PIP5K1B: variants seen among roughly 807,000 people sequenced by gnomAD.
The protein encoded by PIP5K1B is phosphatidylinositol-4-phosphate 5-kinase type 1 beta, also known as phosphatidylinositol 4-phosphate 5-kinase type-1 beta.
Under a neutral mutation model 67.0 loss-of-function variants are expected in PIP5K1B, and 42 were observed. That is an observed-to-expected ratio of 0.63 (90% CI 0.49 to 0.81). The LOEUF (loss-of-function observed/expected upper bound fraction) is 0.81. Among genes scored for constraint, PIP5K1B ranks in the 30% least tolerant of loss-of-function variants. The pLI is 0.00. For synonymous variants in PIP5K1B, 214 were observed against 231.4 expected (o/e 0.92, Z 0.68); for missense variants, 459 against 646.3 (o/e 0.71, Z 3.14).
In PIP5K1B at chr9:68,743,414, T is replaced by G. The variant is rs551807131; in HGVS notation, c.-86+757T>G. 4.7e-4 allele frequency among the ~76,000 whole-genome samples: 71 copies of G among 152,192 alleles called. No homozygotes were observed. The South Asian group carries it at 0.014, about 31-fold the overall frequency. ...AGTTGGGGTTTCGCTATGTGCCCAG[T>G]CTGGTTTCAAACTCCTGGGCTCAAG... On this transcript the variant is annotated intron_variant, in intron 2 of 15. Coordinates refer to ENST00000265382, the MANE Select transcript of PIP5K1B (RefSeq NM_003558.4).
chr9:68,789,275 G>T, intron 2 of PIP5K1B: 1 of 426,988 alleles, frequency 2.3e-6, no homozygotes, highest in Non-Finnish European at 4.5e-6. Context: ...TTTCTTTGAG[G>T]ATATTTGACT....
chr9:68,963,449 G>C (rs1310648775), intron 14 of PIP5K1B: 1 of 269,112 alleles, frequency 3.7e-6, no homozygotes, highest in Non-Finnish European at 7.5e-6. Flanking sequence ...GTTGCAGTGA[G>C]CTGAGATTAT....
At chr9:68,770,099 T>C (rs1830608041) in intron 2 of PIP5K1B, among the ~76,000 whole-genome samples, 1 of 152,232 alleles carries the variant, frequency 6.6e-6, no homozygotes, top group South Asian at 2.1e-4. Context: ...ACCTCTGTCC[T>C]TCTTTATGCA....
chr9:68,910,775 A>G (rs1256047727), intron 8 of PIP5K1B, among the ~76,000 whole-genome samples: 1 of 152,216 alleles, frequency 6.6e-6, no homozygotes, highest in African/African-American at 2.4e-5. Context: ...ACAGGCTTTG[A>G]AAAAACAGTA....
Position 68,735,457 on chromosome 9 carries a change from C to T in PIP5K1B, c.-242-7044C>T, listed in dbSNP as rs200572612. ...TTATAAGTTGACCTCCTCTTGATCT[C>T]AGCTCACTGAAACCTCTGACTCCCG... On this transcript the variant is annotated intron_variant, in intron 1 of 15. Coordinates refer to ENST00000265382, the MANE Select transcript of PIP5K1B (RefSeq NM_003558.4). 2.0e-5 allele frequency among the ~76,000 whole-genome samples: 3 copies of T among 151,458 alleles called. No homozygotes were observed. The East Asian group carries it at 5.9e-4, about 30-fold the overall frequency.
chr9:68,988,108 A>G (rs75297523), intron 14 of PIP5K1B, among the ~76,000 whole-genome samples: 1,984 of 152,278 alleles, frequency 0.013, 32 homozygotes, highest in African/African-American at 0.045. Flanking sequence ...CTTGTATGCA[A>G]TTTAGTCTTC....
chr9:68,728,974 C>T (rs1399503912), intron 1 of PIP5K1B: 2 of 152,136 alleles, frequency 1.3e-5, no homozygotes, highest in African/African-American at 2.4e-5. Context: ...TCATAGGTAC[C>T]TTCCCTAATG....
intron 15 of PIP5K1B, among the ~76,000 whole-genome samples, chr9:68,998,621 T>C (rs1447495089): frequency 6.6e-6 from 1 of 152,120 alleles, no homozygotes; most frequent in Admixed American, 6.5e-5. Flanking sequence ...CCTGTAATGG[T>C]GTGAACTTGG....
In PIP5K1B at chr9:68,735,266, G is replaced by T. The variant is rs966670565; in HGVS notation, c.-242-7235G>T. Among the ~76,000 whole-genome samples the T allele has an allele frequency of 2.3e-3, 265 of 117,174 alleles. 2 individuals carry two copies. The highest frequency in any genetic ancestry group is 7.9e-3 in the African/African-American group (255 of 32,226). The allele number at this position is 117,174 out of a possible 152,430, so 76.9% of individuals were successfully genotyped here. On this transcript the variant is annotated intron_variant, in intron 1 of 15. Coordinates refer to ENST00000265382, the MANE Select transcript of PIP5K1B (RefSeq NM_003558.4). ...TTGCCACAATTCATTAACTAATTTT[G>T]ATATACTACTGTTAATACTTTATTC...
chr9:68,708,445 G>A (rs1312982183), intron 1 of PIP5K1B, among the ~76,000 whole-genome samples: 1 of 152,060 alleles, frequency 6.6e-6, no homozygotes, highest in Non-Finnish European at 1.5e-5. Context: ...AGAGCCCATT[G>A]TTGCTCTCTT....
chr9:68,864,528 G>A (rs1823265644), intron 5 of PIP5K1B, among the ~76,000 whole-genome samples: 1 of 152,172 alleles, frequency 6.6e-6, no homozygotes, highest in Non-Finnish European at 1.5e-5. Flanking sequence ...ATCATTTTAG[G>A]GTGAGGGGAT....
chr9:68,893,179 G>A (rs192884761), intron 7 of PIP5K1B, among the ~76,000 whole-genome samples: 28 of 152,246 alleles, frequency 1.8e-4, no homozygotes, highest in African/African-American at 5.3e-4. Flanking sequence ...GAAATAAAGT[G>A]AGAGCAGTGG....
intron 8 of PIP5K1B, among the ~76,000 whole-genome samples, chr9:68,902,327 T>G (rs1825404298): frequency 6.6e-6 from 1 of 152,218 alleles, no homozygotes; most frequent in South Asian, 2.1e-4. Flanking sequence ...CTCTGTAATT[T>G]TATCTTTTCG....
At chr9:68,752,567 C>T (rs1385951263) in intron 2 of PIP5K1B, among the ~76,000 whole-genome samples, 2 of 149,682 alleles carry the variant, frequency 1.3e-5, no homozygotes, top group Non-Finnish European at 1.5e-5. Flanking sequence ...TCTTTCTTTT[C>T]CTTTCTCTTT....
In PIP5K1B at chr9:68,944,702, G is replaced by C. The variant is rs114203021; in HGVS notation, c.1502+3912G>C. 5.9e-3 allele frequency among the ~76,000 whole-genome samples: 900 copies of C among 152,242 alleles called. 8 individuals carry two copies. The highest frequency in any genetic ancestry group is 0.021 in the African/African-American group (858 of 41,540). On this transcript the variant is annotated intron_variant, in intron 14 of 15. Coordinates refer to ENST00000265382, the MANE Select transcript of PIP5K1B (RefSeq NM_003558.4). The stretch of plus-strand genomic sequence containing the variant: ...AGAGGCTAATCCATCAGATCTAACA[G>C]TCTTGTGCCCTCTTCTTCCTGCCAT...
chr9:68,708,640 G>A (rs1425406878), intron 1 of PIP5K1B, among the ~76,000 whole-genome samples: 1 of 150,604 alleles, frequency 6.6e-6, no homozygotes, highest in Non-Finnish European at 1.5e-5. Context: ...CTTGACATGG[G>A]GAAACCAACC....
intron 2 of PIP5K1B, chr9:68,782,914 T>A (rs1831381210): frequency 1.8e-5 from 3 of 167,090 alleles, no homozygotes; most frequent in Admixed American, 1.3e-4. Context: ...GGAAGCATCT[T>A]TGACTTTTCC....
intron 8 of PIP5K1B, among the ~76,000 whole-genome samples, chr9:68,914,434 GGC>G (rs1233410444): frequency 6.6e-6 from 1 of 152,188 alleles, no homozygotes; most frequent in Non-Finnish European, 1.5e-5. Context: ...GAAAATTCCT[GGC>G]CAGGCACAGT....
intron 4 of PIP5K1B, among the ~76,000 whole-genome samples, chr9:68,829,407 C>T (rs927785445): frequency 1.3e-5 from 2 of 152,110 alleles, no homozygotes; most frequent in Non-Finnish European, 1.5e-5. Context: ...TCCAAAATAC[C>T]CTAACCTGCT....
Sources: gnomAD v4.1 joint callset for allele counts (sites outside exome capture counted in the v4.1 genomes callset) on GRCh38, gnomAD v4.1.1 for gene constraint, MANE v1.5 for transcripts, NCBI Gene and HGNC (gene_info 2026-07-23, HGNC 2026-07-21) for gene names.